The following XIRP2 variants were observed in gnomAD, a reference collection of about 807,000 sequenced individuals.
The protein encoded by XIRP2 is xin actin binding repeat containing 2.
XIRP2 carries 236 observed loss-of-function variants against 277.0 expected under a neutral mutation model. The ratio of observed to expected loss-of-function variants is 0.85; its 90% CI spans 0.77 to 0.95. XIRP2 has a LOEUF of 0.95. Among genes scored for constraint, XIRP2 ranks in the 40% least tolerant of loss-of-function variants. The pLI, the probability that XIRP2 is intolerant of heterozygous loss-of-function variation, is 0.00. For synonymous variants in XIRP2, 1,490 were observed against 1,416.5 expected, an observed-to-expected ratio of 1.05 and a Z score of -1.17; for missense variants, 4,640 against 4,157.5, an observed-to-expected ratio of 1.12 and a Z score of -3.19.
intron 2 of XIRP2, among the ~76,000 whole-genome samples, chr2:167,032,668 T>A (rs552188523): frequency 3.8e-4 from 58 of 152,186 alleles, no homozygotes; most frequent in African/African-American, 1.2e-3. Flanking sequence ...ATTAAGACAT[T>A]TATGCAGCCA....
At chr2:167,184,515 G>T (rs761234365) in intron 3 of XIRP2, 2 of 712,168 alleles carry the variant, frequency 2.8e-6, no homozygotes, top group South Asian at 3.0e-5. Context: ...ATTGCCAAAG[G>T]TTCTGCTGTT....
At chr2:166,953,526 A>G (rs1465227099) in intron 2 of XIRP2, among the ~76,000 whole-genome samples, 1 of 151,984 alleles carries the variant, frequency 6.6e-6, no homozygotes, top group African/African-American at 2.4e-5. Context: ...TCTTCAAGAG[A>G]AATAGTTCAA....
chr2:167,093,434 A>G (rs181559176), intron 2 of XIRP2, among the ~76,000 whole-genome samples: 1 of 151,972 alleles, frequency 6.6e-6, no homozygotes, highest in Non-Finnish European at 1.5e-5. Context: ...CTTCATCTAC[A>G]TTAGGTATTT....
intron 2 of XIRP2, among the ~76,000 whole-genome samples, chr2:167,015,647 T>C (rs1687805031): frequency 6.6e-6 from 1 of 151,762 alleles, no homozygotes; most frequent in Non-Finnish European, 1.5e-5. Context: ...TCTAATAAGA[T>C]TGTGTTTCTT....
chr2:167,052,281 G>GTTA (rs71395272), intron 2 of XIRP2, among the ~76,000 whole-genome samples: 47,373 of 151,602 alleles, frequency 0.31, 8,338 homozygotes, highest in African/African-American at 0.47. Flanking sequence ...TTAAATTATT[G>GTTA]TTATGTAGAA....
intron 2 of XIRP2, among the ~76,000 whole-genome samples, chr2:167,110,781 A>T (rs1690729417): frequency 6.6e-6 from 1 of 152,062 alleles, no homozygotes; most frequent in South Asian, 2.1e-4. Flanking sequence ...TATTTTAATG[A>T]TATTATTCTT....
intron 2 of XIRP2, among the ~76,000 whole-genome samples, chr2:166,946,574 T>G (rs1685871538): frequency 6.6e-6 from 1 of 152,148 alleles, no homozygotes; most frequent in Non-Finnish European, 1.5e-5. Flanking sequence ...ACATGGTGTA[T>G]GCATCATTTT....
chr2:167,106,853 G>A (rs879755210), intron 2 of XIRP2, among the ~76,000 whole-genome samples: 3 of 151,216 alleles, frequency 2.0e-5, no homozygotes, highest in Non-Finnish European at 4.4e-5. Context: ...GAATTAATCA[G>A]CGTTCTGTAG....
intron 3 of XIRP2, among the ~76,000 whole-genome samples, chr2:167,179,642 ATT>A (rs58591089): frequency 0.034 from 4,625 of 136,320 alleles, 81 homozygotes; most frequent in Non-Finnish European, 0.05. Context: ...TTATCTGATA[ATT>A]TTTTTTTTTT....
chr2:167,250,214 C>A lies in XIRP2; in HGVS notation c.8822C>A (p.Ala2941Asp), dbSNP rs768553873. ...KESQRDDGKGALNIVEFLRKR... is the reference protein window; with the variant it reads ...KESQRDDGKGDLNIVEFLRKR... ...TCCCAGCGGGATGATGGAAAAGGTGCCTTAAATATAGTGGAATTCTTGAGA... is the reference window on the plus strand; with the variant it reads ...TCCCAGCGGGATGATGGAAAAGGTGACTTAAATATAGTGGAATTCTTGAGA... The change falls in exon 9 of 11, where the codon GCC becomes GAC. Residue 2941 changes from alanine to aspartate, a missense_variant. Coordinates refer to ENST00000409195, the MANE Select transcript of XIRP2 (RefSeq NM_152381.6). The A allele has an allele frequency of 1.2e-6, 2 of 1,613,314 alleles. No individual in the cohort carries two copies. Among genetic ancestry groups the A allele is most frequent in the Non-Finnish European group, 1.7e-6 (2 of 1,179,674 alleles).
chr2:166,968,772 C>T (rs1196150579), intron 2 of XIRP2, among the ~76,000 whole-genome samples: 1 of 151,592 alleles, frequency 6.6e-6, no homozygotes, highest in Non-Finnish European at 1.5e-5. Context: ...TTAACAGAAG[C>T]TAGTACAATA....
intron 2 of XIRP2, among the ~76,000 whole-genome samples, chr2:167,108,183 A>T (rs1360651073): frequency 6.6e-6 from 1 of 151,846 alleles, no homozygotes; most frequent in Non-Finnish European, 1.5e-5. Context: ...TCCACAAGTT[A>T]TGTATTAATA....
intron 3 of XIRP2, among the ~76,000 whole-genome samples, chr2:167,187,892 C>T (rs1488515231): frequency 6.6e-6 from 1 of 152,076 alleles, no homozygotes; most frequent in Admixed American, 6.6e-5. Flanking sequence ...ATATTTAAAA[C>T]TATAAATTGT....
At chr2:166,988,594 G>A (rs201989382) in intron 2 of XIRP2, among the ~76,000 whole-genome samples, 7,328 of 132,420 alleles carry the variant, frequency 0.055, 711 homozygotes, top group East Asian at 0.45. Flanking sequence ...GTGGGCGCAG[G>A]CCAGTGTGTG....
chr2:166,978,684 T>TA (rs1686778858), intron 2 of XIRP2, among the ~76,000 whole-genome samples: 3 of 152,272 alleles, frequency 2.0e-5, no homozygotes, highest in Admixed American at 6.5e-5. Context: ...TGTTTGTATA[T>TA]AAAAAATAAT....
At chr2:167,223,706 GAT>G (rs1414449017) in intron 5 of XIRP2, among the ~76,000 whole-genome samples, 1 of 152,196 alleles carries the variant, frequency 6.6e-6, no homozygotes, top group African/African-American at 2.4e-5. Flanking sequence ...CAAGGTCGTA[GAT>G]TGCTATTATC....
At chr2:167,224,722 A>C (rs1694541731) in intron 5 of XIRP2, among the ~76,000 whole-genome samples, 2 of 152,312 alleles carry the variant, frequency 1.3e-5, no homozygotes, top group Non-Finnish European at 2.9e-5. Context: ...TATCATTAAA[A>C]ATATTGACCC....
chr2:167,179,573 G>T (rs1692952272), intron 3 of XIRP2, among the ~76,000 whole-genome samples: 1 of 151,604 alleles, frequency 6.6e-6, no homozygotes, highest in African/African-American at 2.4e-5. Flanking sequence ...GCCCACCTTG[G>T]CCTCCCAAAG....
intron 2 of XIRP2, among the ~76,000 whole-genome samples, chr2:166,907,944 T>A (rs1684574032): frequency 6.6e-6 from 1 of 152,146 alleles, no homozygotes; most frequent in Non-Finnish European, 1.5e-5. Context: ...GGACATGAAC[T>A]CATCCTTTTT....
Sources: allele counts gnomAD v4.1 joint callset (sites outside exome capture counted in the v4.1 genomes callset), GRCh38; gene constraint gnomAD v4.1.1; transcripts MANE v1.5; gene names NCBI Gene and HGNC (gene_info 2026-07-23, HGNC 2026-07-21).